The following KCNQ5 variants were observed in gnomAD, a reference collection of about 807,000 sequenced individuals.
KCNQ5 encodes potassium voltage-gated channel subfamily KQT member 5.
KCNQ5 carries 30 observed loss-of-function variants against 98.2 expected under a neutral mutation model. The ratio of observed to expected loss-of-function variants is 0.31; its 90% confidence interval spans 0.23 to 0.41. The LOEUF (loss-of-function observed/expected upper bound fraction) is 0.41, where lower values mean the gene tolerates loss of function less well. Among genes scored for constraint, KCNQ5 ranks in the 10% least tolerant of loss-of-function variants. KCNQ5 has a pLI of 1.00. For synonymous variants in KCNQ5, 458 were observed against 449.4 expected (o/e 1.02, Z -0.24); for missense variants, 835 against 1,182.5 (o/e 0.71, Z 4.31).
At chr6:73,169,175 T>A (rs1379296412) in intron 10 of KCNQ5, among the ~76,000 whole-genome samples, 1 of 123,566 alleles carries the variant, frequency 8.1e-6, no homozygotes, top group Non-Finnish European at 1.6e-5. Flanking sequence ...TACGAAAAAC[T>A]GATTTTTTAT....
intron 2 of KCNQ5, among the ~76,000 whole-genome samples, chr6:73,004,772 G>A (rs1315237783): frequency 4.6e-5 from 7 of 152,126 alleles, no homozygotes; most frequent in Non-Finnish European, 1.0e-4. Flanking sequence ...AGATTTGACA[G>A]TCTTAGAGCT....
chr6:73,119,884 A>G (rs979160903), intron 7 of KCNQ5, among the ~76,000 whole-genome samples: 3 of 152,128 alleles, frequency 2.0e-5, no homozygotes, highest in African/African-American at 7.2e-5. Flanking sequence ...TCCCTTACCA[A>G]TTCAAAAATT....
At chr6:73,036,029 G>GTT (rs1279327761) in intron 2 of KCNQ5, among the ~76,000 whole-genome samples, 1 of 131,310 alleles carries the variant, frequency 7.6e-6, no homozygotes, top group Non-Finnish European at 1.7e-5. Flanking sequence ...GTGTGTGTGT[G>GTT]TATTGGCTCT....
chr6:72,835,742 A>C (rs1270336637), intron 1 of KCNQ5, among the ~76,000 whole-genome samples: 1 of 152,174 alleles, frequency 6.6e-6, no homozygotes, highest in African/African-American at 2.4e-5. Flanking sequence ...TAAAACCTGA[A>C]AGTGGCACAT....
chr6:72,936,673 T>G (rs937756133), intron 1 of KCNQ5, among the ~76,000 whole-genome samples: 1 of 152,236 alleles, frequency 6.6e-6, no homozygotes, highest in Non-Finnish European at 1.5e-5. Flanking sequence ...AAATATTATA[T>G]TTTGTATTCT....
chr6:72,686,824 G>T (rs894475376), intron 1 of KCNQ5, among the ~76,000 whole-genome samples: 2 of 129,054 alleles, frequency 1.5e-5, no homozygotes, highest in African/African-American at 5.8e-5. Flanking sequence ...TTATTGTTTT[G>T]TTCCTTCTTT....
chr6:72,744,889 T>C (rs1479144156), intron 1 of KCNQ5, among the ~76,000 whole-genome samples: 2 of 151,642 alleles, frequency 1.3e-5, no homozygotes, highest in Non-Finnish European at 2.9e-5. Flanking sequence ...AATCCTATAG[T>C]TAGAATGGGG....
intron 1 of KCNQ5, among the ~76,000 whole-genome samples, chr6:72,783,401 C>G (rs1361338301): frequency 6.6e-6 from 1 of 151,890 alleles, no homozygotes; most frequent in Admixed American, 6.6e-5. Flanking sequence ...TAATGATGTG[C>G]AATACAGTAA....
At chr6:72,807,363 A>G (rs1775007323) in intron 1 of KCNQ5, among the ~76,000 whole-genome samples, 1 of 152,198 alleles carries the variant, frequency 6.6e-6, no homozygotes, top group African/African-American at 2.4e-5. Flanking sequence ...GATTTATGCA[A>G]TAATTATCTT....
intron 1 of KCNQ5, among the ~76,000 whole-genome samples, chr6:72,717,305 T>G (rs1203420587): frequency 1.3e-5 from 2 of 152,336 alleles, no homozygotes; most frequent in East Asian, 3.9e-4. Context: ...GAAGGGAATT[T>G]TTATGTTCCC....
chr6:73,142,996 G>T (rs1263541929), intron 10 of KCNQ5, among the ~76,000 whole-genome samples: 1 of 152,126 alleles, frequency 6.6e-6, no homozygotes, highest in Admixed American at 6.6e-5. Flanking sequence ...AACTTCTAAC[G>T]CAGCTCTCTT....
intron 3 of KCNQ5, 97 bp downstream of exon 3, chr6:73,042,159 T>C (rs1582243294): frequency 7.0e-7 from 1 of 1,420,662 alleles, no homozygotes; most frequent in Non-Finnish European, 1.0e-6. Flanking sequence ...AAAGCTAACA[T>C]CCATGGAGTA....
intron 1 of KCNQ5, among the ~76,000 whole-genome samples, chr6:72,709,135 A>G (rs73537770): frequency 0.11 from 17,363 of 152,242 alleles, 1,591 homozygotes; most frequent in African/African-American, 0.25. Context: ...ATGAGGCACC[A>G]TGCCCAGTGA....
chr6:73,078,048 C>T (rs1773606051), intron 5 of KCNQ5, among the ~76,000 whole-genome samples, 161 bp downstream of exon 5: 1 of 151,674 alleles, frequency 6.6e-6, no homozygotes, highest in African/African-American at 2.4e-5. Context: ...AGGCTTTCCA[C>T]ATCTTTTTAG....
intron 11 of KCNQ5, among the ~76,000 whole-genome samples, chr6:73,176,449 A>G (rs988591336): frequency 6.6e-6 from 1 of 152,198 alleles, no homozygotes; most frequent in East Asian, 1.9e-4. Context: ...ACCATGAGCC[A>G]ATGAAACCTC....
chr6:72,979,321 T>C (rs1374433772), intron 1 of KCNQ5, among the ~76,000 whole-genome samples: 2 of 152,230 alleles, frequency 1.3e-5, no homozygotes, highest in African/African-American at 4.8e-5. Flanking sequence ...TTTCTCCACA[T>C]CCTCTCCAGC....
At chr6:72,793,117 A>G (rs1268118440) in intron 1 of KCNQ5, among the ~76,000 whole-genome samples, 1 of 152,236 alleles carries the variant, frequency 6.6e-6, no homozygotes, top group Non-Finnish European at 1.5e-5. Context: ...CACCTTGAGT[A>G]TCCTGCTGGA....
At chr6:72,790,943 G>A (rs1332497804) in intron 1 of KCNQ5, among the ~76,000 whole-genome samples, 3 of 151,890 alleles carry the variant, frequency 2.0e-5, no homozygotes, top group Non-Finnish European at 2.9e-5. Flanking sequence ...TTTAGTATGT[G>A]CCAGAAATGG....
At chr6:72,785,723 T>C (rs936846814) in intron 1 of KCNQ5, among the ~76,000 whole-genome samples, 3 of 152,038 alleles carry the variant, frequency 2.0e-5, no homozygotes, top group African/African-American at 7.2e-5. Context: ...CAGGCAGAAT[T>C]TGTGTATTTT....
Sources: allele counts gnomAD v4.1 joint callset (sites outside exome capture counted in the v4.1 genomes callset), GRCh38; gene constraint gnomAD v4.1.1; transcripts MANE v1.5; gene names NCBI Gene and HGNC (gene_info 2026-07-23, HGNC 2026-07-21).